DLG2: variants seen among roughly 807,000 people sequenced by gnomAD.
The protein encoded by DLG2 is discs large MAGUK scaffold protein 2.
Under a neutral mutation model 132.5 loss-of-function variants are expected in DLG2, and 45 were observed. The observed-to-expected ratio is 0.34, with a 90% CI of 0.27 to 0.44. The LOEUF (loss-of-function observed/expected upper bound fraction) is 0.44, where lower values mean the gene tolerates loss of function less well. Ranked by LOEUF, DLG2 falls within the 20% of genes least tolerant of loss-of-function variation. The pLI is 1.00. For missense variants in DLG2, 1,045 were observed against 1,196.9 expected (o/e 0.87, Z 1.87); for synonymous variants, 424 against 419.6 (o/e 1.01, Z -0.13).
At chr11:84,724,857 C>T (rs2062228050) in intron 6 of DLG2, among the ~76,000 whole-genome samples, 2 of 152,084 alleles carry the variant, frequency 1.3e-5, no homozygotes, top group Admixed American at 1.3e-4. Context: ...CAGAAGAGTA[C>T]GGTCTATCAG....
chr11:84,820,432 C>T (rs926908797), intron 6 of DLG2, among the ~76,000 whole-genome samples: 1 of 151,864 alleles, frequency 6.6e-6, no homozygotes, highest in Admixed American at 6.6e-5. Context: ...CAGGTAATCA[C>T]GCTTTGCCCC....
chr11:83,972,649 A>G (rs1245952198), intron 12 of DLG2, among the ~76,000 whole-genome samples: 1 of 152,182 alleles, frequency 6.6e-6, no homozygotes, highest in Non-Finnish European at 1.5e-5. Flanking sequence ...TAAGTTTTAA[A>G]AAAATGATCG....
rs150649206 is a variant in DLG2 at position 84,680,459 on chromosome 11, C to G, written c.358-145728G>C. Among the ~76,000 whole-genome samples the G allele has an allele frequency of 1.3e-3, 191 of 152,258 alleles. 2 individuals are homozygous for G. In the East Asian group the frequency reaches 0.031, roughly 25 times the overall value. ...ATAATTCCAAGGTGAATCTACCTAT[C>G]CTTACATGCTGGTCCTCTCAGAAAG... On this transcript the variant is annotated intron_variant, in intron 6 of 27. Coordinates refer to ENST00000376104, the MANE Select transcript of DLG2 (RefSeq NM_001142699.3).
chr11:84,771,081 G>A (rs531380977), intron 6 of DLG2, among the ~76,000 whole-genome samples: 48 of 152,238 alleles, frequency 3.2e-4, no homozygotes, highest in African/African-American at 1.1e-3. Context: ...TGCAGTAAAC[G>A]TGTGGTATGT....
At position 84,600,232 on chromosome 11, in the gene DLG2, AAGACAGAAAAGC is replaced by A. The variant is rs1275694093; in HGVS notation, c.358-65513_358-65502del. Among the ~76,000 whole-genome samples the A allele has an allele frequency of 7.9e-4, 102 of 128,764 alleles. 2 individuals are homozygous for A. The South Asian group carries it at 0.011, about 14-fold the overall frequency. The allele number at this position is 128,764 out of a possible 152,430, so 84.5% of individuals were successfully genotyped here. ...AGAAAGAAAGAAAGAAAGAGAAAGA[AAGACAGAAAAGC>A]AAGCAAGCAAGCAGGCAGGCAGGCG... On this transcript the variant is annotated intron_variant, in intron 6 of 27. Transcript: ENST00000376104.
At chr11:85,546,818 C>CTTTTTTTTTT (rs34822004) in intron 3 of DLG2, among the ~76,000 whole-genome samples, 14 of 68,972 alleles carry the variant, frequency 2.0e-4, no homozygotes, top group South Asian at 5.9e-4. Context: ...ATAACCCCTG[C>CTTTTTTTTTT]TTTTTTTTTT....
chr11:83,620,427 T>G (rs1275557713), intron 19 of DLG2, among the ~76,000 whole-genome samples: 1 of 152,344 alleles, frequency 6.6e-6, no homozygotes, highest in East Asian at 1.9e-4. Context: ...GAAAGATTCC[T>G]TTTTATCTTT....
At chr11:84,502,226 CCTTCCTTCCTTCCTTCCTTCCTTCCT>C (rs1567803921) in intron 7 of DLG2, among the ~76,000 whole-genome samples, 5 of 19,060 alleles carry the variant, frequency 2.6e-4, no homozygotes, top group Admixed American at 7.5e-4. Context: ...TTCCTTCCTT[CCTTCCTTCCTTCCTTCCTTCCTTCCT>C]TCCTTCCTTC....
chr11:83,780,892 C>T (rs1262770839), intron 18 of DLG2, among the ~76,000 whole-genome samples: 2 of 152,144 alleles, frequency 1.3e-5, no homozygotes, highest in African/African-American at 4.8e-5. Context: ...GGGAGTCCAA[C>T]CCAACAGTGA....
At chr11:84,223,753 C>T (rs377178138) in intron 8 of DLG2, among the ~76,000 whole-genome samples, 17 of 152,218 alleles carry the variant, frequency 1.1e-4, no homozygotes, top group African/African-American at 2.9e-4. Context: ...GATGGGGTTT[C>T]GGCATGTTGG....
chr11:84,634,663 G>A (rs1332499125), intron 6 of DLG2, among the ~76,000 whole-genome samples: 1 of 152,140 alleles, frequency 6.6e-6, no homozygotes, highest in Non-Finnish European at 1.5e-5. Flanking sequence ...TTTATGAATT[G>A]TTCTTTGCTC....
At chr11:84,792,281 C>T (rs765897714) in intron 6 of DLG2, among the ~76,000 whole-genome samples, 7 of 152,078 alleles carry the variant, frequency 4.6e-5, no homozygotes, top group Non-Finnish European at 8.8e-5. Flanking sequence ...TGGGATAAAT[C>T]CCACTTGGTC....
At chr11:85,466,434 T>C (rs1178269774) in intron 3 of DLG2, among the ~76,000 whole-genome samples, 2 of 152,220 alleles carry the variant, frequency 1.3e-5, no homozygotes, top group African/African-American at 4.8e-5. Flanking sequence ...TAAGGTTTTA[T>C]GGTTTTAGGT....
At chr11:85,559,400 C>T (rs1399477974) in intron 3 of DLG2, among the ~76,000 whole-genome samples, 1 of 151,374 alleles carries the variant, frequency 6.6e-6, no homozygotes, top group Non-Finnish European at 1.5e-5. Flanking sequence ...CTGCCCGCCT[C>T]GGCCTCCCAA....
At chr11:84,218,423 A>G (rs1206868268) in intron 8 of DLG2, among the ~76,000 whole-genome samples, 1 of 142,328 alleles carries the variant, frequency 7.0e-6, no homozygotes, top group Non-Finnish European at 1.6e-5. Flanking sequence ...GATTGACAGA[A>G]GGATGGACCT....
chr11:84,642,092 A>AGTGTGT lies in DLG2; in HGVS notation c.358-107367_358-107362dup, dbSNP rs34226746. On this transcript the variant is annotated intron_variant, in intron 6 of 27. Transcript: ENST00000376104. The stretch of plus-strand genomic sequence containing the variant: ...TGTGTGTGTGTGTGTGTATATGTAG[A>AGTGTGT]GTGTGTGTGTGTGTGTATATGTAGA... Among the ~76,000 whole-genome samples, 833 of 139,224 alleles carry AGTGTGT rather than the reference A, an allele frequency of 6.0e-3. 6 individuals carry two copies. Among genetic ancestry groups the AGTGTGT allele is most frequent in the African/African-American group, 0.022 (788 of 35,248 alleles). The allele number at this position is 139,224 out of a possible 152,430, so 91.3% of individuals were successfully genotyped here. A position where few individuals can be genotyped will look rare whatever the true frequency, so the allele number is the denominator to read the frequency against.
intron 6 of DLG2, among the ~76,000 whole-genome samples, chr11:84,571,049 C>T (rs534155844): frequency 6.6e-6 from 1 of 152,138 alleles, no homozygotes; most frequent in South Asian, 2.1e-4. Context: ...TATGAACATC[C>T]AAAATACCCT....
intron 8 of DLG2, among the ~76,000 whole-genome samples, chr11:84,170,232 T>C (rs910840507): frequency 6.6e-6 from 1 of 152,204 alleles, no homozygotes; most frequent in African/African-American, 2.4e-5. Flanking sequence ...TCCTGTGAAA[T>C]ATGGCTTGAA....
chr11:83,849,749 CTT>C (rs67717983), intron 16 of DLG2, among the ~76,000 whole-genome samples: 116 of 146,020 alleles, frequency 7.9e-4, no homozygotes, highest in Admixed American at 2.3e-3. Flanking sequence ...TCTGGAGCTC[CTT>C]TTTTTTTTTT....
Sources: allele counts gnomAD v4.1 joint callset (sites outside exome capture counted in the v4.1 genomes callset), GRCh38; gene constraint gnomAD v4.1.1; transcripts MANE v1.5; gene names NCBI Gene and HGNC (gene_info 2026-07-23, HGNC 2026-07-21).